Variants in ITGB3 observed in about 807,000 individuals in gnomAD.
ITGB3 encodes integrin subunit beta 3.
ITGB3 carries 48 observed loss-of-function variants against 85.8 expected under a neutral mutation model. That is an observed-to-expected ratio of 0.56 (90% CI 0.44 to 0.71). The LOEUF is 0.71. Among genes scored for constraint, ITGB3 ranks in the 30% least tolerant of loss-of-function variants. The pLI is 0.00. For missense variants in ITGB3, 861 were observed against 1,019.1 expected (o/e 0.84, Z 2.11); for synonymous variants, 363 against 395.6 (o/e 0.92, Z 0.98).
rs1268026691 is a variant in ITGB3 at position 47,311,953 on chromosome 17, A to G, written c.*1749A>G. On this transcript the variant is annotated 3_prime_UTR_variant, in exon 15 of 15. Coordinates refer to ENST00000559488, the MANE Select transcript of ITGB3 (RefSeq NM_000212.3). ...GCAGCCAGTCTTGAAGGTCTCTTTC[A>G]GTATCAACATTCTAAGATGCTGGGA... is the stretch of plus-strand genomic sequence containing the variant. 2.0e-5 allele frequency: 3 copies of G among 152,566 alleles called. No homozygotes were observed. The highest frequency in any genetic ancestry group is 7.2e-5 in the African/African-American group (3 of 41,460). The allele number at this position is 152,566 out of a possible 1,614,324, so 9.5% of individuals were successfully genotyped here. A position where few individuals can be genotyped will look rare whatever the true frequency, so the allele number is the denominator to read the frequency against.
chr17:47,265,793 A>G (rs2065023272), intron 1 of ITGB3, among the ~76,000 whole-genome samples: 1 of 152,192 alleles, frequency 6.6e-6, no homozygotes. Context: ...GCTCTGATAT[A>G]CTTAAAAACA....
intron 2 of ITGB3, among the ~76,000 whole-genome samples, chr17:47,282,052 G>T (rs1222892327): frequency 6.6e-6 from 1 of 152,068 alleles, no homozygotes; most frequent in Non-Finnish European, 1.5e-5. Flanking sequence ...AGGTTTAAGC[G>T]ATTCTCCTGC....
chr17:47,284,606 G>T lies in ITGB3; in HGVS notation c.525G>T (p.Leu175=), dbSNP rs2065096001. ...ATQMRKLTSN[L]RIGFGAFVDK... Reference sequence around the variant, plus strand: ...AGATGCGAAAGCTCACCAGTAACCTGCGGATTGGCTTCGGGGCATTTGTGG... The same window carrying T: ...AGATGCGAAAGCTCACCAGTAACCTTCGGATTGGCTTCGGGGCATTTGTGG... The change falls in exon 4 of 15, where the codon CTG becomes CTT. Residue 175 remains leucine, a synonymous_variant. Coordinates refer to ENST00000559488, the MANE Select transcript of ITGB3 (RefSeq NM_000212.3). 3 of 1,614,088 alleles carry T rather than the reference G, an allele frequency of 1.9e-6. No homozygotes were observed. In the African/African-American group the frequency reaches 4.0e-5, roughly 22 times the overall value.
chr17:47,272,354 A>AT (rs113815893), intron 1 of ITGB3, among the ~76,000 whole-genome samples: 4,135 of 150,146 alleles, frequency 0.028, 137 homozygotes, highest in East Asian at 0.19. Context: ...GCGCTTGGCC[A>AT]TTTTTTTTTT....
rs1339870304 is a variant in ITGB3, at chr17:47,275,352, T to C, written c.165+848T>C. On this transcript the variant is annotated intron_variant, in intron 2 of 14. Coordinates refer to ENST00000559488, the MANE Select transcript of ITGB3 (RefSeq NM_000212.3). ...ATGAGTGTGTCTGAGGGAATGGCTA[T>C]GTTTGTGGCTGGGATGGAAATTTGG... Among the ~76,000 whole-genome samples the C allele has an allele frequency of 5.3e-5, 8 of 151,838 alleles. No individual in the cohort carries two copies. In the East Asian group the frequency reaches 1.6e-3, roughly 29 times the overall value.
rs1039559311 is a variant in ITGB3, at chr17:47,302,887, G to A, written c.2134+47G>A. The stretch of plus-strand genomic sequence containing the variant: ...CCGGCCCTGCCCCAGGAGGGAGAGG[G>A]AGAACCATGTTAGGCAGGAATCTCT... On this transcript the variant is annotated intron_variant, in intron 13 of 14. Transcript: ENST00000559488. The A allele has an allele frequency of 1.9e-6, 3 of 1,610,778 alleles. No homozygotes were observed. In the African/African-American group the frequency reaches 4.0e-5, roughly 22 times the overall value.
chr17:47,263,759 A>T (rs1598679018), intron 1 of ITGB3, among the ~76,000 whole-genome samples: 1 of 152,236 alleles, frequency 6.6e-6, no homozygotes, highest in African/African-American at 2.4e-5. Context: ...CACAGTGCTC[A>T]GATTACAGTG....
chr17:47,301,240 ATATAGT>A (rs1256048614), intron 12 of ITGB3, among the ~76,000 whole-genome samples: 1 of 152,162 alleles, frequency 6.6e-6, no homozygotes, highest in Admixed American at 6.5e-5. Context: ...ATCACATCTG[ATATAGT>A]TATGTGGGCC....
Position 47,299,389 on chromosome 17 carries a change from A to G in ITGB3, c.1772A>G (p.Asp591Gly). The change falls in exon 11 of 15, where the codon GAC becomes GGC. Residue 591 changes from aspartate to glycine, a missense_variant. Transcript: ENST00000559488. The surrounding 1 kb of genome is among the most constrained non-coding windows in gnomAD (Gnocchi z 5.1). ...TACTGCAACTGTACCACGCGTACTG[A>G]CACCTGCATGTCCAGCAATGGGCTG... ...GYYCNCTTRT[D>G]TCMSSNGLLC... 1 of 1,614,164 alleles carries G rather than the reference A, an allele frequency of 6.2e-7. No individual in the cohort carries two copies. Among genetic ancestry groups the G allele is most frequent in the Non-Finnish European group, 8.5e-7 (1 of 1,180,022 alleles).
intron 1 of ITGB3, 74 bp from the exon 2 acceptor site, chr17:47,274,345 T>G: frequency 1.5e-6 from 2 of 1,317,926 alleles, no homozygotes; most frequent in East Asian, 2.3e-5. Context: ...ATTGGGAAAG[T>G]TGGGAAGGAT....
intron 13 of ITGB3, among the ~76,000 whole-genome samples, chr17:47,304,759 C>T (rs992902859): frequency 6.6e-6 from 1 of 152,072 alleles, no homozygotes; most frequent in South Asian, 2.1e-4. Flanking sequence ...AGGCGCCCAC[C>T]ACCACACCTG....
intron 1 of ITGB3, among the ~76,000 whole-genome samples, chr17:47,256,938 G>A (rs2064992561): frequency 6.6e-6 from 1 of 152,168 alleles, no homozygotes; most frequent in Non-Finnish European, 1.5e-5. Flanking sequence ...GGAAAGGGAG[G>A]GCTATGGTTT....
rs888066695 is a variant in ITGB3 at position 47,274,499 on chromosome 17, G to C, written c.160G>C (p.Asp54His). The C allele has an allele frequency of 6.2e-7, 1 of 1,613,396 alleles. No individual in the cohort carries two copies. The highest frequency in any genetic ancestry group is 1.1e-5 in the South Asian group (1 of 91,048). The change falls in exon 2 of 15, where the codon GAT (aspartate) becomes CAT (histidine). Residue 54 changes from aspartate (D) to histidine (H), a missense_variant. Asp to His is a moderately conservative substitution (Grantham distance 81). Transcript: ENST00000559488. ...AVSPMCAWCSDEALPLGSPRC... is the reference protein window; with the variant it reads ...AVSPMCAWCSHEALPLGSPRC... ...GAGCCCCATGTGTGCCTGGTGCTCT[G>C]ATGAGGTAAGGAGCAGATACCAGAC...
At chr17:47,257,137 T>G (rs948753032) in intron 1 of ITGB3, among the ~76,000 whole-genome samples, 1 of 152,228 alleles carries the variant, frequency 6.6e-6, no homozygotes, top group Non-Finnish European at 1.5e-5. Flanking sequence ...CAACTACTAT[T>G]GTCATTATTC....
chr17:47,257,408 T>A (rs1207614392), intron 1 of ITGB3, among the ~76,000 whole-genome samples: 1 of 152,174 alleles, frequency 6.6e-6, no homozygotes, highest in African/African-American at 2.4e-5. Flanking sequence ...CCTCAAGCCC[T>A]GTATCTGAAA....
intron 1 of ITGB3, among the ~76,000 whole-genome samples, chr17:47,262,345 C>T (rs1453995180): frequency 1.3e-5 from 2 of 152,176 alleles, no homozygotes; most frequent in Non-Finnish European, 2.9e-5. Flanking sequence ...TTGGTACAGA[C>T]CTGCTTCTTC....
chr17:47,305,441 C>A (rs377106772), intron 13 of ITGB3: 1 of 152,338 alleles, frequency 6.6e-6, no homozygotes. Flanking sequence ...ACTTCCTCTC[C>A]AGGCTCATTA....
intron 1 of ITGB3, among the ~76,000 whole-genome samples, chr17:47,264,450 G>A (rs1360354921): frequency 6.6e-6 from 1 of 152,174 alleles, no homozygotes; most frequent in Non-Finnish European, 1.5e-5. Context: ...GATTATTTTA[G>A]TACATTTCTA....
At chr17:47,285,743 C>T (rs1279457336) in intron 4 of ITGB3, among the ~76,000 whole-genome samples, 2 of 152,320 alleles carry the variant, frequency 1.3e-5, no homozygotes, top group East Asian at 3.9e-4. Flanking sequence ...CAGAAATGCT[C>T]CTGTCTTGCA....
Sources: gnomAD v4.1 joint callset for allele counts (sites outside exome capture counted in the v4.1 genomes callset) on GRCh38, gnomAD v4.1.1 for gene constraint, Gnocchi (gnomAD v3.1) non-coding constraint, MANE v1.5 for transcripts, NCBI Gene and HGNC (gene_info 2026-07-23, HGNC 2026-07-21) for gene names.